The following WWP1 variants were observed in gnomAD, a reference collection of about 807,000 sequenced individuals.
WWP1 encodes the protein NEDD4-like E3 ubiquitin-protein ligase WWP1.
A neutral mutation model predicts 130.6 loss-of-function variants in WWP1; 49 were observed. The ratio of observed to expected loss-of-function variants is 0.38; its 90% CI spans 0.30 to 0.48. The LOEUF (loss-of-function observed/expected upper bound fraction) is 0.48. WWP1 is among the 20% of genes least tolerant of loss of function. The pLI is 0.99. For synonymous variants in WWP1, 332 were observed against 367.8 expected (o/e 0.90, Z 1.11); for missense variants, 809 against 1,100.6 (o/e 0.74, Z 3.75).
intron 9 of WWP1, among the ~76,000 whole-genome samples, chr8:86,418,119 T>G (rs116817051): frequency 6.6e-6 from 1 of 152,102 alleles, no homozygotes; most frequent in African/African-American, 2.4e-5. Flanking sequence ...AAAAAAAAAC[T>G]TAGTCATATT....
At chr8:86,390,530 C>T (rs952712847) in intron 5 of WWP1, among the ~76,000 whole-genome samples, 4 of 152,080 alleles carry the variant, frequency 2.6e-5, no homozygotes, top group Non-Finnish European at 5.9e-5. Context: ...CCGTCTCCAC[C>T]AAAAAATACA....
At chr8:86,438,813 G>A in intron 17 of WWP1, 140 bp downstream of exon 17, 1 of 599,920 alleles carries the variant, frequency 1.7e-6, no homozygotes, top group Non-Finnish European at 2.7e-6. Flanking sequence ...AATACACACG[G>A]TAACCATTAT....
chr8:86,363,222 C>T (rs1338516708), intron 1 of WWP1, among the ~76,000 whole-genome samples: 1 of 152,086 alleles, frequency 6.6e-6, no homozygotes, highest in Admixed American at 6.6e-5. Flanking sequence ...ACAAAAAAAG[C>T]TGACTGGTTA....
At chr8:86,398,512 A>G (rs1019134209) in intron 6 of WWP1, 33 bp downstream of exon 6, 1 of 1,609,080 alleles carries the variant, frequency 6.2e-7, no homozygotes, top group African/African-American at 1.3e-5. Context: ...TAAAATTTCA[A>G]GGAAAAAGAA....
intron 9 of WWP1, among the ~76,000 whole-genome samples, chr8:86,424,856 G>C (rs1809522589): frequency 8.7e-6 from 1 of 115,606 alleles, no homozygotes; most frequent in African/African-American, 3.1e-5. Flanking sequence ...AGGGGAGGGG[G>C]AGGGGGAGGG....
chr8:86,398,292 C>T, intron 5 of WWP1, 50 bp from the exon 6 acceptor site: 1 of 1,525,326 alleles, frequency 6.6e-7, no homozygotes. Flanking sequence ...ATTTCTGAAG[C>T]ATTTTTATAT....
At chr8:86,370,672 A>G (rs1408286448) in intron 2 of WWP1, among the ~76,000 whole-genome samples, 1 of 152,050 alleles carries the variant, frequency 6.6e-6, no homozygotes, top group African/African-American at 2.4e-5. Flanking sequence ...AAAATAATTC[A>G]TTTCTTCTTT....
intron 22 of WWP1, 69 bp from the exon 23 acceptor site, chr8:86,461,155 G>A (rs898122903): frequency 3.5e-5 from 47 of 1,359,236 alleles, no homozygotes; most frequent in South Asian, 7.2e-5. Flanking sequence ...ATTTCTTCAA[G>A]TGTCTACTAC....
chr8:86,342,554 G>A lies in WWP1; in HGVS notation c.-491G>A, dbSNP rs1822240558. On this transcript the variant is annotated 5_prime_UTR_variant, in exon 1 of 25. Coordinates refer to ENST00000517970, the MANE Select transcript of WWP1 (RefSeq NM_007013.4). ...CATGCTCGGGGGAGGCGGATTCCGGGTCCGGAGTTGGAGGCTTTGGGCGGC... is the reference window on the plus strand; with the variant it reads ...CATGCTCGGGGGAGGCGGATTCCGGATCCGGAGTTGGAGGCTTTGGGCGGC... Among the ~76,000 whole-genome samples, 1 of 151,646 alleles carries A rather than the reference G, an allele frequency of 6.6e-6. No individual in the cohort carries two copies.
rs975529368 is a variant in WWP1 at position 86,467,153 on chromosome 8, T to G, written c.*260T>G. On this transcript the variant is annotated 3_prime_UTR_variant, in exon 25 of 25. Transcript: ENST00000517970. Reference sequence around the variant, plus strand: ...TGAGAGACTTTATTAAAAATACATATATATCTATATAAACATATATGATAG... The same window carrying G: ...TGAGAGACTTTATTAAAAATACATAGATATCTATATAAACATATATGATAG... The G allele has an allele frequency of 9.9e-6, 3 of 303,690 alleles. No homozygotes were observed. The highest frequency in any genetic ancestry group is 1.8e-5 in the Non-Finnish European group (3 of 165,638). The allele number at this position is 303,690 out of a possible 1,614,324, so 18.8% of individuals were successfully genotyped here. A position where few individuals can be genotyped will look rare whatever the true frequency, so the allele number is the denominator to read the frequency against.
At chr8:86,425,613 A>G (rs1388817573) in intron 10 of WWP1, among the ~76,000 whole-genome samples, 2 of 152,130 alleles carry the variant, frequency 1.3e-5, no homozygotes, top group African/African-American at 4.8e-5. Context: ...GACAGTTTAT[A>G]TGTATGGTTC....
intron 1 of WWP1, among the ~76,000 whole-genome samples, chr8:86,367,983 T>G (rs1364334582): frequency 6.6e-6 from 1 of 152,196 alleles, no homozygotes; most frequent in Non-Finnish European, 1.5e-5. Context: ...AAATGTTTCT[T>G]CTCCATGGAC....
At chr8:86,357,376 CTT>C (rs1301680722) in intron 1 of WWP1, among the ~76,000 whole-genome samples, 2 of 152,068 alleles carry the variant, frequency 1.3e-5, no homozygotes, top group African/African-American at 2.4e-5. Flanking sequence ...GCCAAATACT[CTT>C]TTCATTTTGA....
At chr8:86,435,388 A>T (rs990340830) in intron 14 of WWP1, 64 bp from the exon 15 acceptor site, 4 of 1,528,494 alleles carry the variant, frequency 2.6e-6, no homozygotes, top group African/African-American at 1.4e-5. Context: ...CTCTGATTTT[A>T]TACTGAATAC....
intron 24 of WWP1, among the ~76,000 whole-genome samples, chr8:86,463,238 T>C (rs1811859535): frequency 1.3e-5 from 2 of 152,196 alleles, no homozygotes; most frequent in Non-Finnish European, 2.9e-5. Context: ...TTGTTGGTGG[T>C]GATAATTACC....
intron 1 of WWP1, among the ~76,000 whole-genome samples, chr8:86,364,886 G>C (rs1823880933): frequency 6.6e-6 from 1 of 151,650 alleles, no homozygotes; most frequent in African/African-American, 2.4e-5. Context: ...GAAAGAAAGA[G>C]AGAAAATAAA....
chr8:86,367,901 A>G (rs1424807037), intron 1 of WWP1, among the ~76,000 whole-genome samples: 1 of 152,178 alleles, frequency 6.6e-6, no homozygotes. Context: ...ATTTATTCCA[A>G]AATATCTCCA....
At chr8:86,343,829 G>C (rs912828335) in intron 1 of WWP1, among the ~76,000 whole-genome samples, 1 of 152,034 alleles carries the variant, frequency 6.6e-6, no homozygotes, top group African/African-American at 2.4e-5. Flanking sequence ...GGTTAATGTG[G>C]AACAAGATTT....
chr8:86,429,189 C>T (rs142055373), intron 11 of WWP1, among the ~76,000 whole-genome samples: 1 of 152,330 alleles, frequency 6.6e-6, no homozygotes, highest in East Asian at 1.9e-4. Flanking sequence ...ATTGAAAGGG[C>T]AGATGGCTCT....
Sources: allele counts gnomAD v4.1 joint callset (sites outside exome capture counted in the v4.1 genomes callset), GRCh38; gene constraint gnomAD v4.1.1; transcripts MANE v1.5; gene names NCBI Gene and HGNC (gene_info 2026-07-23, HGNC 2026-07-21).